Variants in PCDHGA1 observed in about 807,000 individuals in gnomAD.
PCDHGA1 encodes the protein protocadherin gamma-A1.
In PCDHGA1, 32 loss-of-function variants were observed where a neutral mutation model predicts 58.0. That is an observed-to-expected ratio of 0.55 (90% CI 0.42 to 0.74). The LOEUF (loss-of-function observed/expected upper bound fraction) is 0.74, where lower values mean the gene tolerates loss of function less well. Ranked by LOEUF, PCDHGA1 falls within the 30% of genes least tolerant of loss-of-function variation. The pLI is 0.00. For synonymous variants in PCDHGA1, 498 were observed against 501.1 expected, an observed-to-expected ratio of 0.99 and a Z score of 0.08; for missense variants, 1,205 against 1,182.3, an observed-to-expected ratio of 1.02 and a Z score of -0.28.
At chr5:141,443,481 G>C (rs1025329476) in intron 1 of PCDHGA1, among the ~76,000 whole-genome samples, 3 of 152,114 alleles carry the variant, frequency 2.0e-5, no homozygotes, top group African/African-American at 7.2e-5. Context: ...ATTAGACCCT[G>C]TCCCAAAACA....
chr5:141,491,982 T>G lies in PCDHGA1; in HGVS notation c.2422-2825T>G. On this transcript the variant is annotated intron_variant, in intron 1 of 3. Coordinates refer to ENST00000517417, the MANE Select transcript of PCDHGA1 (RefSeq NM_018912.3). This position sits in a 1 kb window ranked among gnomAD's most constrained non-coding sequence, Gnocchi z 6.9. Reference sequence around the variant, plus strand: ...AAAAGGCCGGGGCCTCCTTCGAGCTTCCGGTGAATTTCGGGCGATTTCCGC... The same window carrying G: ...AAAAGGCCGGGGCCTCCTTCGAGCTGCCGGTGAATTTCGGGCGATTTCCGC... The G allele has an allele frequency of 2.6e-6, 2 of 759,438 alleles. No homozygotes were observed. Among genetic ancestry groups the G allele is most frequent in the East Asian group, 3.2e-5 (1 of 31,728 alleles). The allele number at this position is 759,438 out of a possible 1,614,324, so 47.0% of individuals were successfully genotyped here. A position where few individuals can be genotyped will look rare whatever the true frequency, so the allele number is the denominator to read the frequency against.
intron 1 of PCDHGA1, among the ~76,000 whole-genome samples, chr5:141,492,409 C>G (rs1367119266): frequency 6.6e-6 from 1 of 152,230 alleles, no homozygotes; most frequent in Non-Finnish European, 1.5e-5. Flanking sequence ...TCCCCTCTGC[C>G]GCTCCCTCCG....
intron 1 of PCDHGA1, chr5:141,414,258 TG>T: frequency 6.2e-7 from 1 of 1,613,492 alleles, no homozygotes; most frequent in Non-Finnish European, 8.5e-7. Flanking sequence ...GTCCAGTGAC[TG>T]AAGATTCACC....
chr5:141,490,623 T>C lies in PCDHGA1; in HGVS notation c.2422-4184T>C. The C allele has an allele frequency of 3.1e-6, 5 of 1,614,174 alleles. No individual in the cohort carries two copies. The highest frequency in any genetic ancestry group is 4.2e-6 in the Non-Finnish European group (5 of 1,180,020). ...GCTTCAACCAGCAGCTTTACACTGC[T>C]TACATCCTAGAAAACCGGCCTCCGG... On this transcript the variant is annotated intron_variant, in intron 1 of 3. Coordinates refer to ENST00000517417, the MANE Select transcript of PCDHGA1 (RefSeq NM_018912.3). This position sits in a 1 kb window ranked among gnomAD's most constrained non-coding sequence, Gnocchi z 5.4.
At chr5:141,421,977 G>A in intron 1 of PCDHGA1, 1 of 1,609,542 alleles carries the variant, frequency 6.2e-7, no homozygotes, top group Admixed American at 1.7e-5. Context: ...TATATCGCGT[G>A]AGTGTTCCAG....
chr5:141,409,495 T>C (rs777919409), intron 1 of PCDHGA1: 5 of 1,613,862 alleles, frequency 3.1e-6, no homozygotes, highest in Non-Finnish European at 4.2e-6. Context: ...GCAAGCCGCC[T>C]CTTTCTTCCA....
intron 3 of PCDHGA1, among the ~76,000 whole-genome samples, chr5:141,510,147 C>T (rs1416633745): frequency 1.3e-5 from 2 of 151,984 alleles, no homozygotes; most frequent in Non-Finnish European, 2.9e-5. Flanking sequence ...GTGGTGTGCA[C>T]CTGTAATCTC....
rs558944208 is a variant in PCDHGA1, at chr5:141,478,187, A to G, written c.2422-16620A>G. On this transcript the variant is annotated intron_variant, in intron 1 of 3. Coordinates refer to ENST00000517417, the MANE Select transcript of PCDHGA1 (RefSeq NM_018912.3). ...CCCCCGGGAGCAGAAAAAAAATCTC[A>G]CCTTTTATCTACTTCTTTCTCTAAT... is the stretch of plus-strand genomic sequence containing the variant. The G allele has an allele frequency of 2.9e-5, 46 of 1,613,548 alleles. No individual in the cohort carries two copies. The highest frequency in any genetic ancestry group is 3.9e-5 in the Non-Finnish European group (46 of 1,179,954).
chr5:141,404,929 G>A (rs766845913), intron 1 of PCDHGA1: 46 of 1,613,744 alleles, frequency 2.9e-5, no homozygotes, highest in Admixed American at 2.3e-4. Flanking sequence ...CCACTGTCAC[G>A]CTCACAGTAG....
chr5:141,377,482 G>C (rs1774042121), intron 1 of PCDHGA1: 1 of 152,036 alleles, frequency 6.6e-6, no homozygotes, highest in African/African-American at 2.4e-5. Flanking sequence ...TGTAGTCCCA[G>C]CTACTCGAGA....
intron 1 of PCDHGA1, chr5:141,383,918 T>C: frequency 6.2e-7 from 1 of 1,613,948 alleles, no homozygotes. Flanking sequence ...GTTTTAGATG[T>C]AAATGATAAT....
At chr5:141,398,207 C>T (rs1368284039) in intron 1 of PCDHGA1, 3 of 1,488,636 alleles carry the variant, frequency 2.0e-6, no homozygotes, top group South Asian at 2.6e-5. Flanking sequence ...TTGTTCTGCC[C>T]GGCGCTCTGT....
intron 1 of PCDHGA1, among the ~76,000 whole-genome samples, chr5:141,447,896 G>C (rs2098554754): frequency 6.6e-6 from 1 of 152,022 alleles, no homozygotes; most frequent in African/African-American, 2.4e-5. Flanking sequence ...GACCAGCCTG[G>C]CCAACATGGT....
chr5:141,421,997 G>A, intron 1 of PCDHGA1: 1 of 1,609,178 alleles, frequency 6.2e-7, no homozygotes. Flanking sequence ...GAAAACATCA[G>A]CTCCGGAACT....
chr5:141,405,124 G>A (rs1490821452), intron 1 of PCDHGA1: 2 of 1,614,020 alleles, frequency 1.2e-6, no homozygotes, highest in Admixed American at 3.3e-5. Context: ...CCTCGCATCT[G>A]CTGCGGGCTA....
chr5:141,439,638 C>T (rs1256973189), intron 1 of PCDHGA1, among the ~76,000 whole-genome samples: 2 of 152,184 alleles, frequency 1.3e-5, no homozygotes, highest in African/African-American at 4.8e-5. Context: ...GACATTCCGG[C>T]TTGGTGGCTT....
chr5:141,411,028 T>C (rs2095458130), intron 1 of PCDHGA1: 1 of 163,058 alleles, frequency 6.1e-6, no homozygotes, highest in Admixed American at 6.2e-5. Flanking sequence ...TTTTTTGTAT[T>C]TTTAGTAGAC....
At chr5:141,389,197 T>C (rs2091642576) in intron 1 of PCDHGA1, 1 of 1,614,010 alleles carries the variant, frequency 6.2e-7, no homozygotes, top group East Asian at 2.2e-5. Context: ...AGCATCACCC[T>C]GCACATTGGT....
At chr5:141,388,018 C>A (rs528825785) in intron 1 of PCDHGA1, 2 of 1,460,562 alleles carry the variant, frequency 1.4e-6, no homozygotes, top group African/African-American at 2.9e-5. Flanking sequence ...CCCAAGGGCT[C>A]CGTAGTGGGG....
Sources: allele counts gnomAD v4.1 joint callset (sites outside exome capture counted in the v4.1 genomes callset), GRCh38; gene constraint gnomAD v4.1.1; non-coding constraint Gnocchi (gnomAD v3.1); transcripts MANE v1.5; gene names NCBI Gene and HGNC (gene_info 2026-07-23, HGNC 2026-07-21).